The following ITGB5 variants were observed in gnomAD, a reference collection of about 807,000 sequenced individuals.
ITGB5 encodes integrin subunit beta 5, also known as integrin beta-5.
Under a neutral mutation model 84.8 loss-of-function variants are expected in ITGB5, and 38 were observed. That is an observed-to-expected ratio of 0.45 (90% CI 0.35 to 0.59). The LOEUF is 0.59. Ranked by LOEUF, ITGB5 falls within the 20% of genes least tolerant of loss-of-function variation. The pLI, the probability that ITGB5 is intolerant of heterozygous loss-of-function variation, is 0.01. For synonymous variants in ITGB5, 393 were observed against 414.4 expected (o/e 0.95, Z 0.63); for missense variants, 905 against 1,034.5 (o/e 0.87, Z 1.72).
chr3:124,824,981 G>T (rs1177916763), intron 5 of ITGB5, among the ~76,000 whole-genome samples: 1 of 152,122 alleles, frequency 6.6e-6, no homozygotes, highest in Admixed American at 6.6e-5. Flanking sequence ...GGTGGATCAC[G>T]AGGTCAGAAG....
chr3:124,809,510 A>T (rs2064464397), intron 8 of ITGB5: 1 of 217,842 alleles, frequency 4.6e-6, no homozygotes, highest in Non-Finnish European at 9.3e-6. Context: ...GCAGTTCCTC[A>T]ATCTTGCAGT....
chr3:124,785,145 G>C (rs2064062332), intron 10 of ITGB5, among the ~76,000 whole-genome samples: 1 of 152,206 alleles, frequency 6.6e-6, no homozygotes, highest in Non-Finnish European at 1.5e-5. Context: ...TCAGTGGGGA[G>C]TGTGGCCTAC....
At chr3:124,850,617 G>T (rs1245617303) in intron 3 of ITGB5, among the ~76,000 whole-genome samples, 3 of 151,152 alleles carry the variant, frequency 2.0e-5, no homozygotes, top group Non-Finnish European at 4.4e-5. Context: ...TGGGTGCAGC[G>T]CACCAGCATG....
intron 3 of ITGB5, among the ~76,000 whole-genome samples, chr3:124,852,821 G>A (rs1473030427): frequency 6.6e-6 from 1 of 151,962 alleles, no homozygotes; most frequent in Non-Finnish European, 1.5e-5. Context: ...CCAAGTAGCT[G>A]GGACTATAAG....
rs548366992 is a variant in ITGB5, at chr3:124,843,418, G to A, written c.612-1867C>T. Among the ~76,000 whole-genome samples the A allele has an allele frequency of 2.6e-5, 4 of 152,302 alleles. No homozygotes were observed. The East Asian group carries it at 5.8e-4, about 22-fold the overall frequency. On this transcript the variant is annotated intron_variant, in intron 4 of 14. Transcript: ENST00000296181. ...GGAGAAAAGAAACTGAATAATGATT[G>A]CTGTTTAACCAGGAAAGCTGTGACA... is the stretch of plus-strand genomic sequence containing the variant.
intron 4 of ITGB5, among the ~76,000 whole-genome samples, chr3:124,847,606 G>T (rs2065095009): frequency 6.6e-6 from 1 of 152,198 alleles, no homozygotes; most frequent in East Asian, 1.9e-4. Flanking sequence ...ATGTGTGGAA[G>T]ATGGTAAAGC....
At chr3:124,832,749 T>G (rs2064877760) in intron 5 of ITGB5, 1 of 152,260 alleles carries the variant, frequency 6.6e-6, no homozygotes, top group Non-Finnish European at 1.5e-5. Flanking sequence ...CAGGACGTCT[T>G]GTACACAGTA....
intron 1 of ITGB5, among the ~76,000 whole-genome samples, chr3:124,895,618 C>A (rs1018879317): frequency 6.6e-6 from 1 of 152,138 alleles, no homozygotes; most frequent in African/African-American, 2.4e-5. Flanking sequence ...AGCTTCTGGA[C>A]CCCTACCCTT....
chr3:124,770,006 T>C (rs951997343), intron 11 of ITGB5: 3 of 152,248 alleles, frequency 2.0e-5, no homozygotes, highest in African/African-American at 7.2e-5. Flanking sequence ...ATTATTATAC[T>C]TTATATCATC....
intron 10 of ITGB5, among the ~76,000 whole-genome samples, chr3:124,779,905 C>T (rs954310752): frequency 2.0e-5 from 3 of 152,128 alleles, no homozygotes; most frequent in African/African-American, 7.2e-5. Context: ...GTTAAAGGGC[C>T]TCATGAGGTG....
intron 12 of ITGB5, among the ~76,000 whole-genome samples, chr3:124,766,814 G>A (rs2150922960): frequency 6.6e-6 from 1 of 152,314 alleles, no homozygotes; most frequent in East Asian, 1.9e-4. Context: ...CTCCTTCCTG[G>A]GATGCAAAAT....
At chr3:124,772,059 TCTG>T (rs1386658390) in intron 11 of ITGB5, among the ~76,000 whole-genome samples, 8 of 150,450 alleles carry the variant, frequency 5.3e-5, no homozygotes, top group Non-Finnish European at 1.0e-4. Context: ...TCAAAAAGGT[TCTG>T]CTGCTGGGAG....
chr3:124,788,629 T>C (rs998304648), intron 10 of ITGB5, among the ~76,000 whole-genome samples: 1 of 152,194 alleles, frequency 6.6e-6, no homozygotes, highest in African/African-American at 2.4e-5. Flanking sequence ...CATGTACATA[T>C]TTAGGATTTC....
chr3:124,898,561 G>A (rs548333238), intron 1 of ITGB5, among the ~76,000 whole-genome samples: 199 of 138,774 alleles, frequency 1.4e-3, no homozygotes, highest in African/African-American at 4.8e-3. Flanking sequence ...GGAGAATGGC[G>A]TGAACCCGGG....
At chr3:124,811,372 C>A (rs541678693) in intron 8 of ITGB5, among the ~76,000 whole-genome samples, 1 of 151,998 alleles carries the variant, frequency 6.6e-6, no homozygotes, top group East Asian at 1.9e-4. Context: ...TTTCTTAAGA[C>A]AAATATTAAA....
intron 3 of ITGB5, among the ~76,000 whole-genome samples, chr3:124,855,867 A>AT (rs1346329316): frequency 6.6e-6 from 1 of 152,302 alleles, no homozygotes; most frequent in African/African-American, 2.4e-5. Context: ...AATAAGAATG[A>AT]TTTTCTTCCT....
chr3:124,882,310 T>C (rs985584299), intron 1 of ITGB5, among the ~76,000 whole-genome samples: 2 of 151,962 alleles, frequency 1.3e-5, no homozygotes, highest in African/African-American at 2.4e-5. Context: ...TGGTGGTGAG[T>C]GCTAAGGACA....
chr3:124,821,566 C>A (rs1440713945), intron 5 of ITGB5, 92 bp from the exon 6 acceptor site: 15 of 1,393,608 alleles, frequency 1.1e-5, no homozygotes, highest in African/African-American at 4.2e-5. Flanking sequence ...GGAGTCACGG[C>A]CTGAATCAGA....
upstream of ITGB5, among the ~76,000 whole-genome samples, chr3:124,888,937 G>C (rs1934933032): frequency 6.6e-6 from 1 of 152,186 alleles, no homozygotes; most frequent in Admixed American, 6.5e-5. Context: ...GTACAATATA[G>C]TGTGCCTGGG....
Sources: allele counts gnomAD v4.1 joint callset (sites outside exome capture counted in the v4.1 genomes callset), GRCh38; gene constraint gnomAD v4.1.1; transcripts MANE v1.5; gene names NCBI Gene and HGNC (gene_info 2026-07-23, HGNC 2026-07-21).